Variants in SLC39A3 observed in about 807,000 individuals in gnomAD.
SLC39A3 encodes solute carrier family 39 member 3.
Under a neutral mutation model 5.1 loss-of-function variants are expected in SLC39A3, and 3 were observed. The observed-to-expected ratio is 0.59, with a 90% CI of 0.27 to 1.54. The LOEUF is 1.54. Ranked by LOEUF, SLC39A3 falls within the 40% of genes most tolerant of loss-of-function variation. The pLI, the probability that SLC39A3 is intolerant of heterozygous loss-of-function variation, is 0.12. For missense variants in SLC39A3, 412 were observed against 436.4 expected (o/e 0.94, Z 0.50); for synonymous variants, 250 against 218.8 (o/e 1.14, Z -1.26).
At chr19:2,736,825 C>T (rs1053745789) in intron 2 of SLC39A3, 1 of 1,462,890 alleles carries the variant, frequency 6.8e-7, no homozygotes, top group African/African-American at 1.4e-5. Flanking sequence ...GACAAGTCCA[C>T]CTGTTGGGAA....
In SLC39A3 at chr19:2,732,548, G is replaced by T. The variant is rs1273679684; in HGVS notation, c.*203C>A. 2 of 1,427,628 alleles carry T rather than the reference G, an allele frequency of 1.4e-6. No individual in the cohort carries two copies. Among genetic ancestry groups the T allele is most frequent in the Admixed American group, 5.8e-5 (2 of 34,412 alleles). The allele number at this position is 1,427,628 out of a possible 1,614,324, so 88.4% of individuals were successfully genotyped here. ...CTTTGGTAAAGACTTTTAAGAGAAA[G>T]AAGTATTTTAAAAAGTAGCAGTGCT... On this transcript the variant is annotated 3_prime_UTR_variant, in exon 3 of 3. Transcript: ENST00000269740.
At position 2,735,917 on chromosome 19, in the gene SLC39A3, G is replaced by T. The variant is rs969835501; in HGVS notation, c.210+1131C>A. ...AGGCACGAGGAAAAGCAGGGCCAGGGGTTGGGGGATAAGCTTAGGGCTTCC... is the reference window on the plus strand; with the variant it reads ...AGGCACGAGGAAAAGCAGGGCCAGGTGTTGGGGGATAAGCTTAGGGCTTCC... On this transcript the variant is annotated intron_variant, in intron 2 of 2. Coordinates refer to ENST00000269740, the MANE Select transcript of SLC39A3 (RefSeq NM_144564.5). This position sits in a 1 kb window ranked among gnomAD's most constrained non-coding sequence, Gnocchi z 5.7. 1.0e-6 allele frequency: 1 copy of T among 985,538 alleles called. No homozygotes were observed. Among genetic ancestry groups the T allele is most frequent in the Non-Finnish European group, 1.2e-6 (1 of 830,002 alleles). The allele number at this position is 985,538 out of a possible 1,614,324, so 61.0% of individuals were successfully genotyped here. A position where few individuals can be genotyped will look rare whatever the true frequency, so the allele number is the denominator to read the frequency against.
Position 2,734,025 on chromosome 19 carries a change from C to A in SLC39A3, c.211-540G>T, listed in dbSNP as rs1437578534. Reference sequence around the variant, plus strand: ...TGCTTCCCTGACCGACATGCCTGGGCCCGACTCTCCTCCTGGTCAGGGCTC... The same window carrying A: ...TGCTTCCCTGACCGACATGCCTGGGACCGACTCTCCTCCTGGTCAGGGCTC... On this transcript the variant is annotated intron_variant, in intron 2 of 2. Transcript: ENST00000269740. The surrounding 1 kb of genome is among the most constrained non-coding windows in gnomAD (Gnocchi z 4.6). Among the ~76,000 whole-genome samples, 1 of 152,204 alleles carries A rather than the reference C, an allele frequency of 6.6e-6. No individual in the cohort carries two copies. Among genetic ancestry groups the A allele is most frequent in the Non-Finnish European group, 1.5e-5 (1 of 68,034 alleles).
rs1039547294 is a variant in SLC39A3 at position 2,739,032 on chromosome 19, G to A, written c.-123+913C>T. On this transcript the variant is annotated intron_variant, in intron 1 of 2. Coordinates refer to ENST00000269740, the MANE Select transcript of SLC39A3 (RefSeq NM_144564.5). ...GGAGAATTGCTTCAACCCAGGAGGT[G>A]GAGCTTGCAGTGAGCCGAGATCGCG... Among the ~76,000 whole-genome samples, 31 of 149,812 alleles carry A rather than the reference G, an allele frequency of 2.1e-4. 2 individuals carry two copies. Among genetic ancestry groups the A allele is most frequent in the Non-Finnish European group, 7.4e-5 (5 of 67,616 alleles).
chr19:2,739,532 G>A (rs556928679), intron 1 of SLC39A3: 5 of 152,292 alleles, frequency 3.3e-5, no homozygotes, highest in South Asian at 2.1e-4. Context: ...TGCTACAGAG[G>A]GAGCTAGGAA....
chr19:2,737,431 T>C (rs1442712156), intron 1 of SLC39A3, 52 bp from the exon 2 acceptor site: 9 of 1,279,424 alleles, frequency 7.0e-6, no homozygotes, highest in Non-Finnish European at 9.4e-6. Context: ...TCTTTTTTTT[T>C]TTTTAGACAG....
At position 2,732,914 on chromosome 19, in the gene SLC39A3, G is replaced by A. The variant is rs761812307; in HGVS notation, c.782C>T (p.Ala261Val). 8.7e-6 allele frequency: 14 copies of A among 1,610,972 alleles called. No homozygotes were observed. The highest frequency in any genetic ancestry group is 6.7e-5 in the Admixed American group (4 of 59,884). Residue 261 changes from alanine (A) to valine (V), a missense_variant, in exon 3 of 3, where the codon GCG becomes GTG. Coordinates refer to ENST00000269740, the MANE Select transcript of SLC39A3 (RefSeq NM_144564.5). ...ESAQGVPGSV[A>V]SVLLQGLAGG... ...CGCCAGGCCCTGCAGCAGCACGGAC[G>A]CCACGCTGCCCGGCACGCCCTGGGC...
rs1021398032 is a variant in SLC39A3 at position 2,733,540 on chromosome 19, C to T, written c.211-55G>A. Reference sequence around the variant, plus strand: ...AGAGACCCACGCTCAGGGGTGGCGGCGACAGGGCTGGCCAGATGTCACCGT... The same window carrying T: ...AGAGACCCACGCTCAGGGGTGGCGGTGACAGGGCTGGCCAGATGTCACCGT... On this transcript the variant is annotated intron_variant, in intron 2 of 2. Coordinates refer to ENST00000269740, the MANE Select transcript of SLC39A3 (RefSeq NM_144564.5). This position sits in a 1 kb window ranked among gnomAD's most constrained non-coding sequence, Gnocchi z 6.1. 3.5e-5 allele frequency: 55 copies of T among 1,549,394 alleles called. No individual in the cohort carries two copies. Among genetic ancestry groups the T allele is most frequent in the Admixed American group, 1.8e-4 (9 of 50,960 alleles).
rs867017425 is a variant in SLC39A3, at chr19:2,732,608, T to C, written c.*143A>G. On this transcript the variant is annotated 3_prime_UTR_variant, in exon 3 of 3. Coordinates refer to ENST00000269740, the MANE Select transcript of SLC39A3 (RefSeq NM_144564.5). ...AGGGTGTAGGATCGGGGGCACAGCC[T>C]GGTCCCGGGAGGCCCCTTGTGCACA... is the stretch of plus-strand genomic sequence containing the variant. The C allele has an allele frequency of 5.6e-6, 8 of 1,421,088 alleles. No homozygotes were observed. Among genetic ancestry groups the C allele is most frequent in the Middle Eastern group, 5.2e-4 (2 of 3,850 alleles). 88.0% of individuals were successfully genotyped at this position (1,421,088 alleles called of 1,614,324 possible).
Position 2,734,589 on chromosome 19 carries a change from G to T in SLC39A3, c.211-1104C>A. 3.8e-6 allele frequency: 1 copy of T among 261,346 alleles called. No individual in the cohort carries two copies. The highest frequency in any genetic ancestry group is 6.0e-6 in the Non-Finnish European group (1 of 167,814). The allele number at this position is 261,346 out of a possible 1,614,324, so 16.2% of individuals were successfully genotyped here. A position where few individuals can be genotyped will look rare whatever the true frequency, so the allele number is the denominator to read the frequency against. ...GGGAAGGTGCTGACATTCGGGGCTG[G>T]ATTGTTCTCTGGGACGGGGCCGTCC... On this transcript the variant is annotated intron_variant, in intron 2 of 2. Coordinates refer to ENST00000269740, the MANE Select transcript of SLC39A3 (RefSeq NM_144564.5). This position sits in a 1 kb window ranked among gnomAD's most constrained non-coding sequence, Gnocchi z 4.6.
intron 2 of SLC39A3, 142 bp downstream of exon 2, chr19:2,736,904 TCA>T: frequency 5.2e-6 from 8 of 1,532,096 alleles, no homozygotes; most frequent in Non-Finnish European, 7.1e-6. Flanking sequence ...CAGTTCACAA[TCA>T]CACAGCAAAT....
intron 2 of SLC39A3, chr19:2,736,561 T>G: frequency 3.4e-6 from 1 of 292,922 alleles, no homozygotes; most frequent in East Asian, 1.2e-4. Flanking sequence ...CGGTTGAACG[T>G]TGAGATGAGA....
At chr19:2,739,521 G>C (rs1023230360) in intron 1 of SLC39A3, 2 of 151,994 alleles carry the variant, frequency 1.3e-5, no homozygotes, top group Admixed American at 6.6e-5. Context: ...CTTTTATTTT[G>C]TGCTACAGAG....
At position 2,735,213 on chromosome 19, in the gene SLC39A3, G is replaced by T. The variant is rs1914323373; in HGVS notation, c.211-1728C>A. ...TGCAGGAGATGTCAGAGATGACCAA[G>T]ATCTCCATCCTCGCAGTGCAGATGT... is the stretch of plus-strand genomic sequence containing the variant. On this transcript the variant is annotated intron_variant, in intron 2 of 2. Coordinates refer to ENST00000269740, the MANE Select transcript of SLC39A3 (RefSeq NM_144564.5). This position sits in a 1 kb window ranked among gnomAD's most constrained non-coding sequence, Gnocchi z 5.7. 7.1e-6 allele frequency: 7 copies of T among 985,442 alleles called. No homozygotes were observed. Among genetic ancestry groups the T allele is most frequent in the Non-Finnish European group, 8.4e-6 (7 of 829,940 alleles). 61.0% of individuals were successfully genotyped at this position (985,442 alleles called of 1,614,324 possible).
Position 2,734,633 on chromosome 19 carries a change from G to A in SLC39A3, c.211-1148C>T. On this transcript the variant is annotated intron_variant, in intron 2 of 2. Transcript: ENST00000269740. This position sits in a 1 kb window ranked among gnomAD's most constrained non-coding sequence, Gnocchi z 4.6. Reference sequence around the variant, plus strand: ...GCCGTCCTGGGCACTGCAGGGTGCTGCTGAGCAGTGTCTCTGGCCTCCACC... The same window carrying A: ...GCCGTCCTGGGCACTGCAGGGTGCTACTGAGCAGTGTCTCTGGCCTCCACC... 1 of 641,808 alleles carries A rather than the reference G, an allele frequency of 1.6e-6. No homozygotes were observed. The highest frequency in any genetic ancestry group is 1.9e-6 in the Non-Finnish European group (1 of 516,062). 39.8% of individuals were successfully genotyped at this position (641,808 alleles called of 1,614,324 possible).
At chr19:2,736,497 A>G (rs1280303204) in intron 2 of SLC39A3, 2 of 188,432 alleles carry the variant, frequency 1.1e-5, no homozygotes, top group Middle Eastern at 2.6e-3. Context: ...CTGACAACCA[A>G]TGAGGAACTG....
chr19:2,733,717 G>A lies in SLC39A3; in HGVS notation c.211-232C>T, dbSNP rs533260062. On this transcript the variant is annotated intron_variant, in intron 2 of 2. Coordinates refer to ENST00000269740, the MANE Select transcript of SLC39A3 (RefSeq NM_144564.5). This position sits in a 1 kb window ranked among gnomAD's most constrained non-coding sequence, Gnocchi z 6.1. ...AGCATTTTGGGAGACTGAGGCTGGC[G>A]GATTGCTTGAGCCCAGGAGTTCGAG... Among the ~76,000 whole-genome samples the A allele has an allele frequency of 6.2e-4, 95 of 152,290 alleles. No homozygotes were observed. The highest frequency in any genetic ancestry group is 2.5e-3 in the South Asian group (12 of 4,826).
At chr19:2,739,848 G>C (rs1348964433) in intron 1 of SLC39A3, 97 bp downstream of exon 1, 2 of 152,272 alleles carry the variant, frequency 1.3e-5, no homozygotes, top group East Asian at 1.9e-4. Flanking sequence ...CACCGGAGAC[G>C]GGCCTCGGCT....
rs776936680 is a variant in SLC39A3, at chr19:2,733,093, G to A, written c.603C>T (p.Phe201=). Residue 201 remains phenylalanine (F), a synonymous_variant, in exon 3 of 3, where the codon TTC becomes TTT. Coordinates refer to ENST00000269740, the MANE Select transcript of SLC39A3 (RefSeq NM_144564.5). The surrounding 1 kb of genome is among the most constrained non-coding windows in gnomAD (Gnocchi z 6.1). ...GTGTCTCGTGGACGGCCACCCCCAC[G>A]AACAGGCTCACCACTTTCTCCCCCT... ...QEEGEKVVSL[F]VGVAVHETLV... 15 of 1,611,006 alleles carry A rather than the reference G, an allele frequency of 9.3e-6. No individual in the cohort carries two copies. Among genetic ancestry groups the A allele is most frequent in the South Asian group, 5.5e-5 (5 of 90,932 alleles).
Sources: gnomAD v4.1 joint callset for allele counts (sites outside exome capture counted in the v4.1 genomes callset) on GRCh38, gnomAD v4.1.1 for gene constraint, Gnocchi (gnomAD v3.1) non-coding constraint, MANE v1.5 for transcripts, NCBI Gene and HGNC (gene_info 2026-07-23, HGNC 2026-07-21) for gene names.